MACROD2: variants seen among roughly 807,000 people sequenced by gnomAD.
MACROD2 encodes the protein ADP-ribose glycohydrolase MACROD2.
In MACROD2, 36 loss-of-function variants were observed where a neutral mutation model predicts 70.4. That is an observed-to-expected ratio of 0.51 (90% confidence interval 0.39 to 0.68). The LOEUF (loss-of-function observed/expected upper bound fraction) is 0.68, where lower values mean the gene tolerates loss of function less well. Ranked by LOEUF, MACROD2 falls within the 30% of genes least tolerant of loss-of-function variation. MACROD2 has a pLI of 0.00. For synonymous variants in MACROD2, 172 were observed against 178.8 expected (o/e 0.96, Z 0.30); for missense variants, 496 against 538.4 (o/e 0.92, Z 0.78).
At chr20:15,501,553 GC>G (rs1336188301) in intron 8 of MACROD2, among the ~76,000 whole-genome samples, 3 of 152,068 alleles carry the variant, frequency 2.0e-5, no homozygotes, top group African/African-American at 7.2e-5. Context: ...TAATTCACTT[GC>G]CTACCCTATC....
intron 8 of MACROD2, among the ~76,000 whole-genome samples, chr20:15,859,046 G>A (rs576799809): frequency 1.3e-5 from 2 of 152,124 alleles, no homozygotes; most frequent in South Asian, 2.1e-4. Flanking sequence ...CACATATTTT[G>A]TATGTTATAT....
chr20:15,155,500 C>T (rs2076300887), intron 5 of MACROD2, among the ~76,000 whole-genome samples: 1 of 152,190 alleles, frequency 6.6e-6, no homozygotes, highest in Admixed American at 6.5e-5. Context: ...TGAGAAACTT[C>T]TCTCTTCCTT....
chr20:15,814,329 A>T (rs187441512), intron 8 of MACROD2, among the ~76,000 whole-genome samples: 14 of 152,300 alleles, frequency 9.2e-5, no homozygotes, highest in African/African-American at 3.1e-4. Context: ...ACAAGAAATT[A>T]ACATCCCTTA....
intron 3 of MACROD2, among the ~76,000 whole-genome samples, chr20:14,148,756 A>G (rs145684623): frequency 4.0e-4 from 61 of 152,258 alleles, no homozygotes; most frequent in African/African-American, 1.4e-3. Context: ...CAGAGCCTTT[A>G]TCCTCTCTCA....
intron 2 of MACROD2, among the ~76,000 whole-genome samples, chr20:14,006,619 A>G (rs369525864): frequency 1.2e-4 from 19 of 152,116 alleles, no homozygotes; most frequent in African/African-American, 2.9e-4. Context: ...TTCTTTTACA[A>G]TTGATTTGCT....
chr20:15,882,209 GGGAGAATCGCATGAGAATGA>G (rs1340898719), intron 9 of MACROD2, among the ~76,000 whole-genome samples: 14 of 152,218 alleles, frequency 9.2e-5, no homozygotes, highest in Middle Eastern at 3.4e-3. Context: ...GCATAAGCAT[GGGAGAATCGCATGAGAATGA>G]TTATCCACTA....
At chr20:15,901,358 C>T (rs1247167602) in intron 10 of MACROD2, among the ~76,000 whole-genome samples, 1 of 152,090 alleles carries the variant, frequency 6.6e-6, no homozygotes, top group Non-Finnish European at 1.5e-5. Flanking sequence ...GGTGTGAAAG[C>T]AATAGGCATT....
chr20:15,913,242 A>G (rs1258545849), intron 10 of MACROD2, among the ~76,000 whole-genome samples: 1 of 152,118 alleles, frequency 6.6e-6, no homozygotes, highest in Non-Finnish European at 1.5e-5. Context: ...CAGAAAACAA[A>G]TGCCTTTTTA....
At chr20:15,782,965 G>A (rs1165142820) in intron 8 of MACROD2, among the ~76,000 whole-genome samples, 6 of 151,898 alleles carry the variant, frequency 4.0e-5, no homozygotes, top group South Asian at 2.1e-4. Context: ...AGCAGTTACC[G>A]GAAATTCAAT....
intron 8 of MACROD2, among the ~76,000 whole-genome samples, chr20:15,607,326 T>A: frequency 6.6e-6 from 1 of 152,224 alleles, no homozygotes; most frequent in Admixed American, 6.5e-5. Flanking sequence ...CATTGTTAAT[T>A]GGATTATATT....
intron 8 of MACROD2, among the ~76,000 whole-genome samples, chr20:15,724,342 G>C (rs187063538): frequency 6.6e-6 from 1 of 152,100 alleles, no homozygotes; most frequent in Non-Finnish European, 1.5e-5. Context: ...ATGAGTCATT[G>C]TCATACCCAA....
Position 14,967,144 on chromosome 20 carries a change from C to A in MACROD2, c.419-262796C>A, listed in dbSNP as rs948356978. ...ATCTTTTTTTGTAAATGCTTCAAGT[C>A]TTTGCTGATTTTAAAATCAATTTCT... On this transcript the variant is annotated intron_variant, in intron 5 of 17. Coordinates refer to ENST00000684519, the MANE Select transcript of MACROD2 (RefSeq NM_001351661.2). 6.6e-5 allele frequency among the ~76,000 whole-genome samples: 10 copies of A among 152,254 alleles called. No homozygotes were observed. The East Asian group carries it at 1.9e-3, about 29-fold the overall frequency.
intron 6 of MACROD2, among the ~76,000 whole-genome samples, chr20:15,427,287 G>T (rs2046310975): frequency 1.3e-5 from 2 of 152,198 alleles, no homozygotes; most frequent in African/African-American, 4.8e-5. Context: ...AGACAAGGCA[G>T]TTGGTACATT....
chr20:15,512,285 A>C (rs866060568), intron 8 of MACROD2, among the ~76,000 whole-genome samples: 73 of 152,342 alleles, frequency 4.8e-4, no homozygotes, highest in African/African-American at 1.7e-3. Context: ...GAGTTGCTAG[A>C]CAGCTTTTGT....
intron 10 of MACROD2, among the ~76,000 whole-genome samples, chr20:15,916,570 C>G (rs927880979): frequency 6.6e-6 from 1 of 152,172 alleles, no homozygotes; most frequent in Admixed American, 6.5e-5. Context: ...TTTCTTGTTC[C>G]AAGACTTCCT....
At chr20:14,011,731 G>C (rs926103653) in intron 2 of MACROD2, among the ~76,000 whole-genome samples, 1 of 151,938 alleles carries the variant, frequency 6.6e-6, no homozygotes, top group Non-Finnish European at 1.5e-5. Context: ...GGGTTTCACC[G>C]TGTTAGCCAG....
chr20:14,740,771 C>T (rs965182026), intron 5 of MACROD2, among the ~76,000 whole-genome samples: 1 of 152,132 alleles, frequency 6.6e-6, no homozygotes, highest in Non-Finnish European at 1.5e-5. Context: ...AACCAGGTCT[C>T]TTGGCTTTGG....
chr20:14,368,605 A>G (rs920053064), intron 3 of MACROD2, among the ~76,000 whole-genome samples: 7 of 152,038 alleles, frequency 4.6e-5, no homozygotes, highest in Non-Finnish European at 7.4e-5. Flanking sequence ...TAAATCTAGA[A>G]ATAAGATTTT....
chr20:14,188,658 T>G (rs924566408), intron 3 of MACROD2, among the ~76,000 whole-genome samples: 4 of 152,154 alleles, frequency 2.6e-5, no homozygotes, highest in African/African-American at 7.2e-5. Flanking sequence ...TTTCACCCAT[T>G]AAGATACCGC....
Sources: allele counts gnomAD v4.1 joint callset (sites outside exome capture counted in the v4.1 genomes callset), GRCh38; gene constraint gnomAD v4.1.1; transcripts MANE v1.5; gene names NCBI Gene and HGNC (gene_info 2026-07-23, HGNC 2026-07-21).